NTMT1: variants seen among roughly 807,000 people sequenced by gnomAD.
The protein encoded by NTMT1 is N-terminal Xaa-Pro-Lys N-methyltransferase 1.
NTMT1 carries 8 observed loss-of-function variants against 17.5 expected under a neutral mutation model. The ratio of observed to expected loss-of-function variants is 0.46; its 90% CI spans 0.27 to 0.82. The LOEUF (loss-of-function observed/expected upper bound fraction) is 0.82. Ranked by LOEUF, NTMT1 falls within the 40% of genes least tolerant of loss-of-function variation. The probability of loss-of-function intolerance (pLI) is 0.15; values close to 1 mark genes in which losing one functional copy is unlikely to be tolerated. For missense variants in NTMT1, 221 were observed against 303.5 expected (o/e 0.73, Z 2.02); for synonymous variants, 128 against 126.8 (o/e 1.01, Z -0.06).
At chr9:129,633,401 C>T in intron 2 of NTMT1, 1 of 197,536 alleles carries the variant, frequency 5.1e-6, no homozygotes. Context: ...CACCCTTGTT[C>T]ACCTGTTGCC....
At chr9:129,624,273 C>T (rs1830829490), upstream of NTMT1, among the ~76,000 whole-genome samples, 1 of 152,206 alleles carries the variant, frequency 6.6e-6, no homozygotes, top group Non-Finnish European at 1.5e-5. Context: ...CTTCTGTTGA[C>T]AGGAAATAAG....
chr9:129,620,044 C>G lies in NTMT1; in HGVS notation c.-55+10866C>G. 2 of 1,453,472 alleles carry G rather than the reference C, an allele frequency of 1.4e-6. No individual in the cohort carries two copies. Among genetic ancestry groups the G allele is most frequent in the Admixed American group, 5.6e-5 (2 of 35,714 alleles). 90.0% of individuals were successfully genotyped at this position (1,453,472 alleles called of 1,614,324 possible). ...CCACCGGAAATGACTCGGGCCCGCC[C>G]CCCGGGCCCCGCGGGGCCTCACTCA... On this transcript the variant is annotated intron_variant, in intron 1 of 3. Coordinates refer to the NTMT1 transcript ENST00000372486. This position sits in a 1 kb window ranked among gnomAD's most constrained non-coding sequence, Gnocchi z 5.8.
intron 1 of NTMT1, chr9:129,628,507 T>TA (rs1307084429): frequency 6.6e-6 from 1 of 152,252 alleles, no homozygotes; most frequent in Non-Finnish European, 1.5e-5. Flanking sequence ...CTTCAGTATT[T>TA]ACCAGTTCTG....
At chr9:129,610,300 G>GCCGCC (rs1830083127) in intron 1 of NTMT1, among the ~76,000 whole-genome samples, 1 of 120,602 alleles carries the variant, frequency 8.3e-6, no homozygotes. Flanking sequence ...TGCAGGCCCC[G>GCCGCC]CCCCCCCCCC....
chr9:129,634,341 A>T, intron 3 of NTMT1, 35 bp downstream of exon 3: 1 of 1,556,552 alleles, frequency 6.4e-7, no homozygotes, highest in South Asian at 1.2e-5. Flanking sequence ...GCTCACCTGT[A>T]TGTCTCCTGC....
At chr9:129,628,451 C>T (rs1830997833) in intron 1 of NTMT1, 1 of 152,198 alleles carries the variant, frequency 6.6e-6, no homozygotes, top group Non-Finnish European at 1.5e-5. Flanking sequence ...TGTTACAAGG[C>T]TTTTGGTAAA....
In NTMT1 at chr9:129,614,330, C is replaced by G. The variant is rs1167617530; in HGVS notation, c.-55+5152C>G. On this transcript the variant is annotated intron_variant, in intron 1 of 3. Transcript: ENST00000372486. The surrounding 1 kb of genome is among the most constrained non-coding windows in gnomAD (Gnocchi z 4.4). ...AATCACAGCTTCTAACTCCAGCTTC[C>G]TGTCACGCTAAGGAGGCTGCGTCAG... is the stretch of plus-strand genomic sequence containing the variant. Among the ~76,000 whole-genome samples the G allele has an allele frequency of 6.6e-6, 1 of 152,200 alleles. No homozygotes were observed. Among genetic ancestry groups the G allele is most frequent in the Non-Finnish European group, 1.5e-5 (1 of 68,040 alleles).
chr9:129,632,781 G>C lies in NTMT1; in HGVS notation c.78G>C (p.Thr26=), dbSNP rs374990094. The part of the protein sequence containing the change: ...AKTYWKQIPP[T]VDGMLGGYGH... ...CCTACTGGAAACAAATCCCACCCAC[G>C]GTGGACGGCATGCTTGGGGGGTATG... is the stretch of plus-strand genomic sequence containing the variant. Residue 26 remains threonine (T), a synonymous_variant, in exon 2 of 4, where the codon ACG becomes ACC. Transcript: ENST00000372483. 3 of 1,614,186 alleles carry C rather than the reference G, an allele frequency of 1.9e-6. No homozygotes were observed. The African/African-American group carries it at 4.0e-5, about 22-fold the overall frequency.
intron 1 of NTMT1, chr9:129,619,847 A>G (rs1428118214): frequency 1.2e-6 from 2 of 1,612,726 alleles, no homozygotes; most frequent in Non-Finnish European, 1.7e-6. Context: ...CCAGGAGGAA[A>G]CAGTTGTGAG....
chr9:129,626,156 C>T (rs1283880703), upstream of NTMT1: 2 of 152,196 alleles, frequency 1.3e-5, no homozygotes, highest in Non-Finnish European at 2.9e-5. Context: ...CGTTGGCGGA[C>T]AAAGGCAGCG....
intron 2 of NTMT1, 35 bp from the exon 3 acceptor site, chr9:129,634,019 G>C (rs1223741396): frequency 6.3e-7 from 1 of 1,595,532 alleles, no homozygotes; most frequent in Admixed American, 1.7e-5. Flanking sequence ...CGGTGACAGG[G>C]TCCCTCTGAT....
At chr9:129,618,510 T>C (rs1026736022) in intron 1 of NTMT1, among the ~76,000 whole-genome samples, 2 of 152,150 alleles carry the variant, frequency 1.3e-5, no homozygotes, top group Non-Finnish European at 2.9e-5. Flanking sequence ...GATGGACAGA[T>C]GCGTGGCTGG....
chr9:129,621,006 C>A (rs551554505), intron 1 of NTMT1, among the ~76,000 whole-genome samples: 5 of 152,366 alleles, frequency 3.3e-5, no homozygotes, highest in African/African-American at 1.2e-4. Flanking sequence ...CTTCCCTCTG[C>A]CTTCCCTGGG....
chr9:129,635,294 A>T lies in NTMT1; in HGVS notation c.502A>T (p.Asn168Tyr). ...CAACGGCATCATCGTCATCAAAGAC[A>T]ACATGGCCCAGGAGGGCGTGATTCT... is the stretch of plus-strand genomic sequence containing the variant. ...RPNGIIVIKDNMAQEGVILDD... is the reference protein window; with the variant it reads ...RPNGIIVIKDYMAQEGVILDD... The change falls in exon 4 of 4, where the codon AAC becomes TAC. Residue 168 changes from asparagine (N) to tyrosine (Y), a missense_variant. Coordinates refer to ENST00000372483, the MANE Select transcript of NTMT1 (RefSeq NM_014064.4). The T allele has an allele frequency of 6.2e-7, 1 of 1,613,788 alleles. No individual in the cohort carries two copies. Among genetic ancestry groups the T allele is most frequent in the Non-Finnish European group, 8.5e-7 (1 of 1,180,022 alleles).
chr9:129,635,511 G>GAGCTGGC lies in NTMT1; in HGVS notation c.*54_*60dup. On this transcript the variant is annotated 3_prime_UTR_variant, in exon 4 of 4. Coordinates refer to ENST00000372483, the MANE Select transcript of NTMT1 (RefSeq NM_014064.4). Reference sequence around the variant, plus strand: ...TGAGGAACCACAGTCCTGGTGGGGGGAGCTGGCAGCTGGGCAAGATCCAGG... The same window carrying GAGCTGGC: ...TGAGGAACCACAGTCCTGGTGGGGGGAGCTGGCAGCTGGCAGCTGGGCAAGATCCAGG... The GAGCTGGC allele has an allele frequency of 6.4e-7, 1 of 1,574,336 alleles. No individual in the cohort carries two copies. Among genetic ancestry groups the GAGCTGGC allele is most frequent in the East Asian group, 2.3e-5 (1 of 44,346 alleles).
upstream of NTMT1, among the ~76,000 whole-genome samples, chr9:129,623,909 T>G (rs916492804): frequency 2.1e-5 from 3 of 142,812 alleles, no homozygotes; most frequent in African/African-American, 7.9e-5. Flanking sequence ...TTCTCCTGCC[T>G]CAGCCTCCCG....
At chr9:129,628,020 C>T (rs1588134978) in intron 1 of NTMT1, among the ~76,000 whole-genome samples, 1 of 152,238 alleles carries the variant, frequency 6.6e-6, no homozygotes, top group East Asian at 1.9e-4. Flanking sequence ...ATCACATTTA[C>T]TGGCTGAGCA....
intron 1 of NTMT1, among the ~76,000 whole-genome samples, chr9:129,617,381 C>T (rs1466432106): frequency 6.6e-6 from 1 of 152,238 alleles, no homozygotes; most frequent in Non-Finnish European, 1.5e-5. Context: ...CAGGCAAAGG[C>T]ATAACCCAGC....
chr9:129,613,432 C>T lies in NTMT1; in HGVS notation c.-55+4254C>T. The T allele has an allele frequency of 6.2e-7, 1 of 1,613,582 alleles. No homozygotes were observed. Among genetic ancestry groups the T allele is most frequent in the Non-Finnish European group, 8.5e-7 (1 of 1,179,822 alleles). On this transcript the variant is annotated intron_variant, in intron 1 of 3. Coordinates refer to the NTMT1 transcript ENST00000372486. The surrounding 1 kb of genome is among the most constrained non-coding windows in gnomAD (Gnocchi z 6.2). ...AGTCCCATCCGCTTCCCTGGAGCCTCACAGGCCAGCGCAGTCCCAACACGA... is the reference window on the plus strand; with the variant it reads ...AGTCCCATCCGCTTCCCTGGAGCCTTACAGGCCAGCGCAGTCCCAACACGA...
Sources: allele counts gnomAD v4.1 joint callset (sites outside exome capture counted in the v4.1 genomes callset), GRCh38; gene constraint gnomAD v4.1.1; non-coding constraint Gnocchi (gnomAD v3.1); transcripts MANE v1.5; gene names NCBI Gene and HGNC (gene_info 2026-07-23, HGNC 2026-07-21).